TTN: variants seen among roughly 807,000 people sequenced by gnomAD.
The protein encoded by TTN is titin.
Under a neutral mutation model 3,223.0 loss-of-function variants are expected in TTN, and 1,525 were observed. The observed-to-expected ratio is 0.47, with a 90% CI of 0.45 to 0.49. The LOEUF is 0.49. Ranked by LOEUF, TTN falls within the 20% of genes least tolerant of loss-of-function variation. The pLI is 0.00. For synonymous variants in TTN, 14,094 were observed against 15,161.0 expected, an observed-to-expected ratio of 0.93 and a Z score of 5.17; for missense variants, 40,786 against 43,424.0, an observed-to-expected ratio of 0.94 and a Z score of 5.40.
chr2:178,766,503 T>C lies in TTN; in HGVS notation c.9581A>G (p.His3194Arg). The part of the protein sequence containing the change: ...IEINFQVQER[H>R]KYVVERRIHR... Reference sequence around the variant, plus strand: ...GATTCTTCTTTCCACTACATATTTGTGTCGTTCTTGAACTTGGAAATTGAT... The same window carrying C: ...GATTCTTCTTTCCACTACATATTTGCGTCGTTCTTGAACTTGGAAATTGAT... Residue 3194 changes from histidine (H) to arginine (R), a missense_variant, in exon 41 of 363, where the codon CAC (histidine) becomes CGC (arginine). Physicochemically the swap from His to Arg is conservative, Grantham distance 29. Transcript: ENST00000589042. The C allele has an allele frequency of 6.2e-7, 1 of 1,614,136 alleles. No individual in the cohort carries two copies. The highest frequency in any genetic ancestry group is 1.1e-5 in the South Asian group (1 of 91,082).
At position 178,587,957 on chromosome 2, in the gene TTN, T is replaced by C. The variant is rs2049398530; in HGVS notation, c.63450A>G (p.Gln21150=). The C allele has an allele frequency of 6.2e-7, 1 of 1,610,964 alleles. No homozygotes were observed. The highest frequency in any genetic ancestry group is 1.1e-5 in the South Asian group (1 of 90,720). ...GCTCTGCAGGGCGCCCAATACCAAC[T>C]TGGTTTTGGGCACACACCCTGAACT... The part of the protein sequence containing the change: ...EYEFRVCAQN[Q]VGIGRPAELK... Residue 21150 remains glutamine (Q), a synonymous_variant, in exon 305 of 363, where the codon CAA becomes CAG. Transcript: ENST00000589042.
chr2:178,792,252 A>G (rs1376258421), intron 9 of TTN, 55 bp from the exon 10 acceptor site: 1 of 1,534,616 alleles, frequency 6.5e-7, no homozygotes, highest in Non-Finnish European at 8.8e-7. Context: ...ATGAAATAAT[A>G]TGGTGTTTAT....
chr2:178,732,593 G>A lies in TTN; in HGVS notation c.16468C>T (p.Leu5490=). The part of the protein sequence containing the change: ...TIRWFKGNKE[L]VSGGSCYITK... ...ATATAGCAGCTTCCACCAGAAACCA[G>A]CTCTTTGTTGCCCTTAAACCATCTG... Residue 5490 remains leucine, a synonymous_variant, in exon 56 of 363, where the codon CTG becomes TTG. Coordinates refer to ENST00000589042, the MANE Select transcript of TTN (RefSeq NM_001267550.2). 6.2e-7 allele frequency: 1 copy of A among 1,613,670 alleles called. No individual in the cohort carries two copies. Among genetic ancestry groups the A allele is most frequent in the Non-Finnish European group, 8.5e-7 (1 of 1,179,738 alleles).
chr2:178,768,763 G>C lies in TTN; in HGVS notation c.9073C>G (p.Leu3025Val), dbSNP rs142410663. Residue 3025 changes from leucine to valine, a missense_variant, in exon 38 of 363, where the codon CTG becomes GTG. Physicochemically the swap from Leu to Val is conservative, Grantham distance 32. Transcript: ENST00000589042. ...QMRTKKLTHS[L>V]NIRNVHFGDA... ...CCAAAGTGAACATTCCTGATGTTCA[G>C]TGAGTGTGTGAGCTTTTTGGTTCTC... 1.2e-6 allele frequency: 2 copies of C among 1,614,130 alleles called. No individual in the cohort carries two copies. The highest frequency in any genetic ancestry group is 1.7e-6 in the Non-Finnish European group (2 of 1,180,008).
At chr2:178,721,470 T>C (rs1395373696) in intron 78 of TTN, among the ~76,000 whole-genome samples, 1 of 152,044 alleles carries the variant, frequency 6.6e-6, no homozygotes, top group Non-Finnish European at 1.5e-5. Flanking sequence ...GTTGATTCTT[T>C]TTTTTAGTTT....
Position 178,572,770 on chromosome 2 carries a change from T to G in TTN, c.73362A>C (p.Gly24454=), listed in dbSNP as rs749392350. 8 of 1,613,402 alleles carry G rather than the reference T, an allele frequency of 5.0e-6. No individual in the cohort carries two copies. The highest frequency in any genetic ancestry group is 1.3e-5 in the African/African-American group (1 of 74,876). Reference sequence around the variant, plus strand: ...CCCACTTCACCTCAGGTGCAGGCCTTCCTTTGATGGGAACAAAAAGTCTCA... The same window carrying G: ...CCCACTTCACCTCAGGTGCAGGCCTGCCTTTGATGGGAACAAAAAGTCTCA... ...CTLRLFVPIK[G]RPAPEVKWAR... is the part of the protein sequence containing the mutation. The change falls in exon 326 of 363, where the codon GGA becomes GGC. Residue 24454 remains glycine (G), a synonymous_variant. Transcript: ENST00000589042.
chr2:178,800,363 C>T, intron 4 of TTN, 32 bp downstream of exon 4: 1 of 1,613,898 alleles, frequency 6.2e-7, no homozygotes. Flanking sequence ...GCTCTCTCCC[C>T]TTCTCTCTGT....
At position 178,723,009 on chromosome 2, in the gene TTN, G is replaced by A. The variant is rs538134314; in HGVS notation, c.21961+37C>T. The A allele has an allele frequency of 1.9e-6, 3 of 1,604,272 alleles. No individual in the cohort carries two copies. In the South Asian group the frequency reaches 3.4e-5, roughly 18 times the overall value. ...AAAGAAACTATGCTACATGTTAGAA[G>A]AATGCAAATGATTTAAGAGACAATA... is the stretch of plus-strand genomic sequence containing the variant. On this transcript the variant is annotated intron_variant, in intron 75 of 362. Transcript: ENST00000589042.
Position 178,732,544 on chromosome 2 carries a change from G to A in TTN, c.16517C>T (p.Ser5506Phe), listed in dbSNP as rs201125295. ...GGTTTTTACTAAATAGAGTTCCAGG[G>A]AACTCTCTAAAGCTTCTTTGGTAAT... ...CYITKEALES[S>F]LELYLVKTSD... is the part of the protein sequence containing the mutation. Residue 5506 changes from serine to phenylalanine, a missense_variant, in exon 56 of 363, where the codon TCC becomes TTC. By Grantham distance (155) the Ser-to-Phe change is radical. Coordinates refer to ENST00000589042, the MANE Select transcript of TTN (RefSeq NM_001267550.2). The A allele has an allele frequency of 4.9e-5, 79 of 1,613,494 alleles. No homozygotes were observed. Among genetic ancestry groups the A allele is most frequent in the Non-Finnish European group, 6.5e-5 (77 of 1,179,744 alleles).
chr2:178,714,840 A>T lies in TTN; in HGVS notation c.26200+146T>A. 3 of 1,106,572 alleles carry T rather than the reference A, an allele frequency of 2.7e-6. 1 individual carries two copies. Among genetic ancestry groups the T allele is most frequent in the Non-Finnish European group, 3.9e-6 (3 of 778,778 alleles). The allele number at this position is 1,106,572 out of a possible 1,614,324, so 68.5% of individuals were successfully genotyped here. A position where few individuals can be genotyped will look rare whatever the true frequency, so the allele number is the denominator to read the frequency against. ...TCAGTAGGATTTGGAAAAGGGAAGC[A>T]GACTAAACAGAAAAGGACTTGGAGA... is the stretch of plus-strand genomic sequence containing the variant. On this transcript the variant is annotated intron_variant, in intron 90 of 362. Coordinates refer to ENST00000589042, the MANE Select transcript of TTN (RefSeq NM_001267550.2).
Position 178,792,105 on chromosome 2 carries a change from A to G in TTN, c.1629T>C (p.Ile543=). The G allele has an allele frequency of 1.2e-6, 2 of 1,612,640 alleles. No individual in the cohort carries two copies. The highest frequency in any genetic ancestry group is 1.7e-6 in the Non-Finnish European group (2 of 1,179,330). The part of the protein sequence containing the change: ...KEQETRISEE[I]TKKQKQVTQE... Reference sequence around the variant, plus strand: ...GAGTTACTTGTTTCTGTTTCTTAGTAATTTCTTCAGAAATTCTAGTTTCTT... The same window carrying G: ...GAGTTACTTGTTTCTGTTTCTTAGTGATTTCTTCAGAAATTCTAGTTTCTT... Residue 543 remains isoleucine, a synonymous_variant, in exon 10 of 363, where the codon ATT becomes ATC. Transcript: ENST00000589042.
Position 178,734,380 on chromosome 2 carries a change from A to T in TTN, c.15444T>A (p.Val5148=), listed in dbSNP as rs1470426834. The change falls in exon 52 of 363, where the codon GTT becomes GTA. Residue 5148 remains valine (V), a synonymous_variant. Transcript: ENST00000589042. ...NSADVGEYEC[V]VANEVGKCGC... is the part of the protein sequence containing the mutation. ...CACACTTGCCGACTTCATTAGCAAC[A>T]ACACATTCATATTCACCAACATCTG... 1.2e-6 allele frequency: 2 copies of T among 1,612,010 alleles called. No homozygotes were observed. Among genetic ancestry groups the T allele is most frequent in the Non-Finnish European group, 1.7e-6 (2 of 1,178,598 alleles).
At chr2:178,640,734 A>T (rs969329485) in intron 220 of TTN, 104 bp from the exon 221 acceptor site, 4 of 885,412 alleles carry the variant, frequency 4.5e-6, no homozygotes, top group East Asian at 5.6e-5. Flanking sequence ...ATGGTTTTTT[A>T]AAAAACCTTA....
intron 312 of TTN, 161 bp from the exon 313 acceptor site, chr2:178,583,388 G>C (rs1201222530): frequency 2.4e-6 from 2 of 847,318 alleles, no homozygotes; most frequent in Admixed American, 3.4e-5. Context: ...CTGCACTATT[G>C]AATAACTATT....
rs369082749 is a variant in TTN at position 178,594,538 on chromosome 2, T to C, written c.57956A>G (p.Tyr19319Cys). 41 of 1,613,234 alleles carry C rather than the reference T, an allele frequency of 2.5e-5. No homozygotes were observed. Among genetic ancestry groups the C allele is most frequent in the African/African-American group, 6.7e-5 (5 of 74,908 alleles). The change falls in exon 296 of 363, where the codon TAT becomes TGT. Residue 19319 changes from tyrosine to cysteine, a missense_variant. Coordinates refer to ENST00000589042, the MANE Select transcript of TTN (RefSeq NM_001267550.2). ...KYDGGSEIIN[Y>C]VLESRLIGTE... ...CCCAATGAGCCGACTTTCTAGGACATAGTTAATAATTTCTGACCCACCATC... is the reference window on the plus strand; with the variant it reads ...CCCAATGAGCCGACTTTCTAGGACACAGTTAATAATTTCTGACCCACCATC...
intron 13 of TTN, among the ~76,000 whole-genome samples, chr2:178,788,509 A>G (rs2093325322): frequency 6.6e-6 from 1 of 152,118 alleles, no homozygotes; most frequent in South Asian, 2.1e-4. Context: ...ATCTTAAATC[A>G]TATCTTAGAA....
Position 178,568,941 on chromosome 2 carries a change from T to A in TTN, c.77191A>T (p.Ile25731Phe), listed in dbSNP as rs1465344199. The A allele has an allele frequency of 6.2e-7, 1 of 1,613,452 alleles. No homozygotes were observed. The highest frequency in any genetic ancestry group is 1.3e-5 in the African/African-American group (1 of 75,022). ...KPEHDGGSKI[I>F]QYIVEMQAKH... ...GCTTGCATTTCCACAATATACTGAA[T>A]GATTTTACTGCCACCATCATGTTCA... is the stretch of plus-strand genomic sequence containing the variant. The change falls in exon 326 of 363, where the codon ATT becomes TTT. Residue 25731 changes from isoleucine (I) to phenylalanine (F), a missense_variant. Transcript: ENST00000589042.
intron 159 of TTN, among the ~76,000 whole-genome samples, chr2:178,667,961 C>G (rs1296804080): frequency 6.6e-6 from 1 of 152,044 alleles, no homozygotes; most frequent in Non-Finnish European, 1.5e-5. Context: ...CAGGCAAGGA[C>G]TATATAATTC....
At position 178,620,031 on chromosome 2, in the gene TTN, G is replaced by A. The variant is rs147703145; in HGVS notation, c.46386C>T (p.Cys15462=). ...CACGAGACTTCCTGTCTTCTACCCC[G>A]CAAGCATATTCACACTCATCATCCA... is the stretch of plus-strand genomic sequence containing the variant. ...CRLDDECEYA[C]GVEDRKSRAR... Residue 15462 remains cysteine (C), a synonymous_variant, in exon 249 of 363, where the codon TGC becomes TGT. Coordinates refer to ENST00000589042, the MANE Select transcript of TTN (RefSeq NM_001267550.2). 94 of 1,611,612 alleles carry A rather than the reference G, an allele frequency of 5.8e-5. No homozygotes were observed. The highest frequency in any genetic ancestry group is 5.0e-4 in the Middle Eastern group (3 of 6,044).
Sources: gnomAD v4.1 joint callset for allele counts (sites outside exome capture counted in the v4.1 genomes callset) on GRCh38, gnomAD v4.1.1 for gene constraint, MANE v1.5 for transcripts, NCBI Gene and HGNC (gene_info 2026-07-23, HGNC 2026-07-21) for gene names.